FBXW2: variants seen among roughly 807,000 people sequenced by gnomAD.
FBXW2 encodes the protein F-box and WD repeat domain containing 2, also known as F-box/WD repeat-containing protein 2.
In FBXW2, 12 loss-of-function variants were observed where a neutral mutation model predicts 46.0. That is an observed-to-expected ratio of 0.26 (90% CI 0.17 to 0.42). FBXW2 has a LOEUF of 0.42. FBXW2 is among the 10% of genes least tolerant of loss of function. FBXW2 has a pLI of 1.00. For synonymous variants in FBXW2, 203 were observed against 209.6 expected, an observed-to-expected ratio of 0.97 and a Z score of 0.27; for missense variants, 360 against 537.0, an observed-to-expected ratio of 0.67 and a Z score of 3.26.
Position 120,771,411 on chromosome 9 carries a change from T to G in FBXW2, c.1013A>C (p.Tyr338Ser). 6.2e-7 allele frequency: 1 copy of G among 1,614,206 alleles called. No individual in the cohort carries two copies. The highest frequency in any genetic ancestry group is 8.5e-7 in the Non-Finnish European group (1 of 1,180,022). The change falls in exon 7 of 8, where the codon TAC (tyrosine) becomes TCC (serine). Residue 338 changes from tyrosine to serine, a missense_variant. By Grantham distance (144) the Tyr-to-Ser change is moderately radical (BLOSUM62 -2). Transcript: ENST00000608872. ...ACCAAGTGCTGAACTACAGACAATG[T>G]ATTTGCCATCAAAATGAAGTCTTGG... ...LQPRLHFDGK[Y>S]IVCSSALGLY...
chr9:120,764,101 A>T lies in FBXW2; in HGVS notation c.*458T>A, dbSNP rs1213539092. 1.0e-5 allele frequency: 3 copies of T among 298,486 alleles called. No homozygotes were observed. Among genetic ancestry groups the T allele is most frequent in the Non-Finnish European group, 1.8e-5 (3 of 163,856 alleles). 18.5% of individuals were successfully genotyped at this position (298,486 alleles called of 1,614,324 possible). A position where few individuals can be genotyped will look rare whatever the true frequency, so the allele number is the denominator to read the frequency against. On this transcript the variant is annotated 3_prime_UTR_variant, in exon 8 of 8. Transcript: ENST00000608872. Reference sequence around the variant, plus strand: ...TTAACACTGGCTCTTATAAGAGCTAAACCCCGTGTGAGGAAAGTTGCTGTA... The same window carrying T: ...TTAACACTGGCTCTTATAAGAGCTATACCCCGTGTGAGGAAAGTTGCTGTA...
Position 120,760,044 on chromosome 9 carries a change from A to G in FBXW2, c.*4515T>C, listed in dbSNP as rs2044173672. 1 of 152,238 alleles carries G rather than the reference A, an allele frequency of 6.6e-6. No homozygotes were observed. Among genetic ancestry groups the G allele is most frequent in the East Asian group, 1.9e-4 (1 of 5,202 alleles). 9.4% of individuals were successfully genotyped at this position (152,238 alleles called of 1,614,324 possible). A position where few individuals can be genotyped will look rare whatever the true frequency, so the allele number is the denominator to read the frequency against. On this transcript the variant is annotated 3_prime_UTR_variant, in exon 8 of 8. Coordinates refer to ENST00000608872, the MANE Select transcript of FBXW2 (RefSeq NM_012164.4). Reference sequence around the variant, plus strand: ...GATGGCTAATGGGCATTGTGTCAAAAAAGTGAATCTGTTCTTTTCATCAGA... The same window carrying G: ...GATGGCTAATGGGCATTGTGTCAAAGAAGTGAATCTGTTCTTTTCATCAGA...
intron 6 of FBXW2, among the ~76,000 whole-genome samples, chr9:120,772,018 C>T (rs966054555): frequency 7.1e-6 from 1 of 140,250 alleles, no homozygotes; most frequent in African/African-American, 2.8e-5. Context: ...AAGATTCTAC[C>T]ACTGCACTCC....
At chr9:120,790,621 T>A (rs1419267246) in intron 2 of FBXW2, among the ~76,000 whole-genome samples, 1 of 152,174 alleles carries the variant, frequency 6.6e-6, no homozygotes, top group East Asian at 1.9e-4. Flanking sequence ...CTGACACACA[T>A]CTATTGTAGA....
chr9:120,787,626 A>G (rs1414225225), intron 3 of FBXW2, 143 bp downstream of exon 3: 9 of 744,456 alleles, frequency 1.2e-5, no homozygotes, highest in African/African-American at 1.8e-5. Context: ...AAGGGGGGGG[A>G]ACCACTCAGG....
rs549027672 is a variant in FBXW2, at chr9:120,764,571, C to T, written c.1353G>A (p.Lys451=). Residue 451 remains lysine (K), a synonymous_variant, in exon 8 of 8, where the codon AAG becomes AAA. Transcript: ENST00000608872. ...GTGGCTCATGGTGTCAGCCGTGCTC[C>T]TTCCACAACACCAGGTGAATACTGT... The part of the protein sequence containing the change: ...PDHSIHLVLW[K]EHG The T allele has an allele frequency of 2.9e-5, 47 of 1,612,682 alleles. 1 individual carries two copies. In the South Asian group the frequency reaches 5.1e-4, roughly 17 times the overall value.
intron 2 of FBXW2, among the ~76,000 whole-genome samples, chr9:120,790,855 C>T (rs1365158686): frequency 1.3e-5 from 2 of 152,224 alleles, no homozygotes. Flanking sequence ...GTGCCCATGA[C>T]ACCGCTAAAG....
intron 2 of FBXW2, among the ~76,000 whole-genome samples, chr9:120,791,422 G>A (rs1402743044): frequency 6.6e-6 from 1 of 152,178 alleles, no homozygotes; most frequent in Non-Finnish European, 1.5e-5. Context: ...ATGTGATTAT[G>A]GGCATGTCCA....
intron 3 of FBXW2, among the ~76,000 whole-genome samples, chr9:120,782,716 C>T (rs1477239951): frequency 1.3e-5 from 2 of 152,138 alleles, no homozygotes; most frequent in African/African-American, 4.8e-5. Flanking sequence ...GTGGCACACA[C>T]ACGTAGTCCC....
At chr9:120,765,457 T>C (rs2131278340) in intron 7 of FBXW2, among the ~76,000 whole-genome samples, 1 of 152,312 alleles carries the variant, frequency 6.6e-6, no homozygotes, top group Non-Finnish European at 1.5e-5. Context: ...ACAGATAACA[T>C]TTAACTAAAC....
rs567849993 is a variant in FBXW2 at position 120,761,606 on chromosome 9, T to C, written c.*2953A>G. 35 of 152,316 alleles carry C rather than the reference T, an allele frequency of 2.3e-4. No individual in the cohort carries two copies. Among genetic ancestry groups the C allele is most frequent in the African/African-American group, 8.2e-4 (34 of 41,568 alleles). The allele number at this position is 152,316 out of a possible 1,614,324, so 9.4% of individuals were successfully genotyped here. ...TCTTTTGCAAAAAGGATGAGCTAGT[T>C]TTCCATTTTTATAAAAACTGGCGAT... On this transcript the variant is annotated 3_prime_UTR_variant, in exon 8 of 8. Transcript: ENST00000608872.
chr9:120,773,439 C>A (rs1044815459), intron 5 of FBXW2, among the ~76,000 whole-genome samples: 3 of 152,148 alleles, frequency 2.0e-5, no homozygotes, highest in African/African-American at 7.2e-5. Context: ...TGGACAAGAC[C>A]ATCTAAACTC....
chr9:120,784,728 T>A (rs377154862), intron 3 of FBXW2, among the ~76,000 whole-genome samples: 11 of 151,996 alleles, frequency 7.2e-5, no homozygotes, highest in Admixed American at 7.2e-4. Flanking sequence ...GAGACCAGCC[T>A]GACCAACATG....
At position 120,764,862 on chromosome 9, in the gene FBXW2, G is replaced by A. The variant is rs776314566; in HGVS notation, c.1077-15C>T. On this transcript the variant is annotated splice_polypyrimidine_tract_variant and intron_variant, in intron 7 of 7. Transcript: ENST00000608872. ...TCTTGATGACCCTACAAGGATGAGAGTTAGGGACTGTGAAAGAAGGCAACC... is the reference window on the plus strand; with the variant it reads ...TCTTGATGACCCTACAAGGATGAGAATTAGGGACTGTGAAAGAAGGCAACC... 2.0e-6 allele frequency: 3 copies of A among 1,521,932 alleles called. No individual in the cohort carries two copies. The highest frequency in any genetic ancestry group is 2.1e-5 in the Admixed American group (1 of 47,628). 94.3% of individuals were successfully genotyped at this position (1,521,932 alleles called of 1,614,324 possible). A position where few individuals can be genotyped will look rare whatever the true frequency, so the allele number is the denominator to read the frequency against.
At position 120,760,462 on chromosome 9, in the gene FBXW2, C is replaced by T. The variant is rs1474003969; in HGVS notation, c.*4097G>A. On this transcript the variant is annotated 3_prime_UTR_variant, in exon 8 of 8. Coordinates refer to ENST00000608872, the MANE Select transcript of FBXW2 (RefSeq NM_012164.4). ...TGGCCAACATAGTGAAACCTCGTCTCTACTAAAAATACAAAAATAGCTGGG... is the reference window on the plus strand; with the variant it reads ...TGGCCAACATAGTGAAACCTCGTCTTTACTAAAAATACAAAAATAGCTGGG... 6.6e-6 allele frequency: 1 copy of T among 152,152 alleles called. No homozygotes were observed. The highest frequency in any genetic ancestry group is 1.5e-5 in the Non-Finnish European group (1 of 68,050). 9.4% of individuals were successfully genotyped at this position (152,152 alleles called of 1,614,324 possible).
Position 120,770,892 on chromosome 9 carries a change from T to C in FBXW2, c.1076+456A>G, listed in dbSNP as rs117918389. ...TTCTTTGGAGGGAAACCCTGCAAAT[T>C]TTATTTTTCTCTAAGTCTCTGTCTT... On this transcript the variant is annotated intron_variant, in intron 7 of 7. Transcript: ENST00000608872. 9.3e-3 allele frequency among the ~76,000 whole-genome samples: 1,418 copies of C among 152,312 alleles called. 14 individuals carry two copies. Among genetic ancestry groups the C allele is most frequent in the Non-Finnish European group, 0.015 (1,011 of 68,024 alleles).
rs2044876487 is a variant in FBXW2, at chr9:120,792,785, A to G, written c.-21+364T>C. ...GTGCAAGTAAAGCGTTTAGCACAGT[A>G]CTCGGCACGCTGTAAGCCTACAGTA... On this transcript the variant is annotated intron_variant, in intron 2 of 7. Transcript: ENST00000608872. 3.0e-6 allele frequency: 3 copies of G among 987,554 alleles called. No homozygotes were observed. In the Admixed American group the frequency reaches 7.1e-5, roughly 23 times the overall value. The allele number at this position is 987,554 out of a possible 1,614,324, so 61.2% of individuals were successfully genotyped here.
Position 120,776,475 on chromosome 9 carries a change from G to A in FBXW2, c.686-249C>T, listed in dbSNP as rs551941151. ...TTTATTTGTGGTAGCTACAGTGAGA[G>A]GCAAAACAAATGTTGGAGATAATGG... On this transcript the variant is annotated intron_variant, in intron 4 of 7. Transcript: ENST00000608872. 5 of 418,838 alleles carry A rather than the reference G, an allele frequency of 1.2e-5. No individual in the cohort carries two copies. In the East Asian group the frequency reaches 1.9e-4, roughly 16 times the overall value. The allele number at this position is 418,838 out of a possible 1,614,324, so 25.9% of individuals were successfully genotyped here. A position where few individuals can be genotyped will look rare whatever the true frequency, so the allele number is the denominator to read the frequency against.
intron 2 of FBXW2, among the ~76,000 whole-genome samples, chr9:120,788,570 G>A (rs2044769702): frequency 6.6e-6 from 1 of 152,134 alleles, no homozygotes; most frequent in Non-Finnish European, 1.5e-5. Context: ...CGTGCTACAT[G>A]CATCTTCATA....
Sources: allele counts gnomAD v4.1 joint callset (sites outside exome capture counted in the v4.1 genomes callset), GRCh38; gene constraint gnomAD v4.1.1; transcripts MANE v1.5; gene names NCBI Gene and HGNC (gene_info 2026-07-23, HGNC 2026-07-21).